Variants in MAN1A2 observed in about 807,000 individuals in gnomAD.
The protein encoded by MAN1A2 is mannosyl-oligosaccharide 1,2-alpha-mannosidase IB.
MAN1A2 carries 26 observed loss-of-function variants against 75.7 expected under a neutral mutation model. That is an observed-to-expected ratio of 0.34 (90% CI 0.25 to 0.48). MAN1A2 has a LOEUF of 0.48. MAN1A2 is among the 20% of genes least tolerant of loss of function. The pLI is 0.99. For synonymous variants in MAN1A2, 247 were observed against 264.6 expected, an observed-to-expected ratio of 0.93 and a Z score of 0.65; for missense variants, 562 against 775.5, an observed-to-expected ratio of 0.72 and a Z score of 3.27.
chr1:117,491,095 A>T, intron 8 of MAN1A2, among the ~76,000 whole-genome samples: 1 of 152,138 alleles, frequency 6.6e-6, no homozygotes, highest in Middle Eastern at 3.4e-3. Flanking sequence ...GCAGCAAGTG[A>T]TCCAGAAGAT....
intron 8 of MAN1A2, among the ~76,000 whole-genome samples, chr1:117,480,328 C>G (rs962516225): frequency 4.6e-5 from 7 of 151,864 alleles, no homozygotes; most frequent in African/African-American, 1.7e-4. Context: ...CTCTCTGTGC[C>G]TTTGCCTGAA....
rs143467940 is a variant in MAN1A2 at position 117,503,447 on chromosome 1, C to T, written c.1793+477C>T. On this transcript the variant is annotated intron_variant, in intron 12 of 12. Transcript: ENST00000356554. ...AAATGACCATAGCCACTCATCCACCCGATGAGCCTTACTGTAAAGATACAC... is the reference window on the plus strand; with the variant it reads ...AAATGACCATAGCCACTCATCCACCTGATGAGCCTTACTGTAAAGATACAC... Among the ~76,000 whole-genome samples the T allele has an allele frequency of 4.1e-3, 622 of 151,474 alleles. 1 individual carries two copies. The highest frequency in any genetic ancestry group is 7.7e-3 in the Non-Finnish European group (522 of 67,604).
At chr1:117,492,586 G>C (rs1259474680) in intron 8 of MAN1A2, among the ~76,000 whole-genome samples, 2 of 151,984 alleles carry the variant, frequency 1.3e-5, no homozygotes, top group Admixed American at 1.3e-4. Context: ...AAATTTGTAT[G>C]AATAGTAATC....
At chr1:117,496,090 C>T (rs1414246821) in intron 9 of MAN1A2, among the ~76,000 whole-genome samples, 1 of 149,568 alleles carries the variant, frequency 6.7e-6, no homozygotes, top group Non-Finnish European at 1.5e-5. Context: ...CTGATTGTTA[C>T]TAAACTTGTC....
At chr1:117,476,422 A>C (rs1269971481) in intron 8 of MAN1A2, among the ~76,000 whole-genome samples, 3 of 151,900 alleles carry the variant, frequency 2.0e-5, no homozygotes, top group Non-Finnish European at 4.4e-5. Flanking sequence ...TTAGTCATGA[A>C]GTCTTTGTCC....
intron 8 of MAN1A2, among the ~76,000 whole-genome samples, chr1:117,486,279 A>G (rs915858448): frequency 4.6e-5 from 7 of 151,994 alleles, no homozygotes; most frequent in Admixed American, 4.6e-4. Flanking sequence ...AGTTACCCCA[A>G]AAGTTAAGAT....
chr1:117,455,042 CTT>C lies in MAN1A2; in HGVS notation c.951-5446_951-5445del, dbSNP rs371859000. ...GACAATGAAAAGGCAAGATAGTAAA[CTT>C]AGGTTGGTAGGATGTAAAATGGTAG... On this transcript the variant is annotated intron_variant, in intron 6 of 12. Coordinates refer to ENST00000356554, the MANE Select transcript of MAN1A2 (RefSeq NM_006699.5). Among the ~76,000 whole-genome samples the C allele has an allele frequency of 1.4e-4, 22 of 152,146 alleles. No individual in the cohort carries two copies. The South Asian group carries it at 2.7e-3, about 19-fold the overall frequency.
At chr1:117,374,632 C>T (rs1207623432) in intron 1 of MAN1A2, among the ~76,000 whole-genome samples, 1 of 152,140 alleles carries the variant, frequency 6.6e-6, no homozygotes, top group Non-Finnish European at 1.5e-5. Context: ...TGTTAAGAGA[C>T]AGGGGCTTTA....
intron 11 of MAN1A2, among the ~76,000 whole-genome samples, chr1:117,501,037 A>G (rs533842271): frequency 1.6e-4 from 24 of 151,936 alleles, no homozygotes; most frequent in African/African-American, 4.1e-4. Flanking sequence ...TGGCAGAAGC[A>G]CTTTTTGTCA....
At chr1:117,377,087 C>T (rs1365541464) in intron 1 of MAN1A2, among the ~76,000 whole-genome samples, 1 of 152,134 alleles carries the variant, frequency 6.6e-6, no homozygotes, top group Non-Finnish European at 1.5e-5. Flanking sequence ...AACATATTTA[C>T]ATATGGCTAT....
At chr1:117,399,789 G>T (rs539895123) in intron 1 of MAN1A2, among the ~76,000 whole-genome samples, 1 of 152,260 alleles carries the variant, frequency 6.6e-6, no homozygotes, top group African/African-American at 2.4e-5. Flanking sequence ...GACTTAGCAG[G>T]TAAATGTCCT....
At chr1:117,396,935 GTT>G (rs749623787) in intron 1 of MAN1A2, among the ~76,000 whole-genome samples, 4 of 142,490 alleles carry the variant, frequency 2.8e-5, no homozygotes, top group Non-Finnish European at 3.1e-5. Context: ...AATCATAGAG[GTT>G]TTTTTTTTTT....
intron 6 of MAN1A2, 82 bp from the exon 7 acceptor site, chr1:117,460,407 T>C: frequency 2.2e-6 from 2 of 903,026 alleles, no homozygotes; most frequent in Non-Finnish European, 3.4e-6. Context: ...AAGAGATCTA[T>C]TTAAAATTTA....
intron 3 of MAN1A2, among the ~76,000 whole-genome samples, chr1:117,407,211 C>T (rs945468169): frequency 6.6e-6 from 1 of 151,980 alleles, no homozygotes; most frequent in Admixed American, 6.6e-5. Flanking sequence ...GCCAGATAAG[C>T]TAAGTAGGAA....
chr1:117,429,904 G>A (rs1312371001), intron 5 of MAN1A2, among the ~76,000 whole-genome samples: 2 of 69,906 alleles, frequency 2.9e-5, no homozygotes, highest in African/African-American at 5.6e-5. Flanking sequence ...CCGGGCAGAG[G>A]GGCTCCTCAC....
chr1:117,503,681 A>C (rs1651268287), intron 12 of MAN1A2, among the ~76,000 whole-genome samples: 1 of 151,472 alleles, frequency 6.6e-6, no homozygotes, highest in Non-Finnish European at 1.5e-5. Flanking sequence ...AAGCCTTGTA[A>C]ACATTTTATT....
At chr1:117,393,606 C>T (rs916074952) in intron 1 of MAN1A2, among the ~76,000 whole-genome samples, 10 of 151,922 alleles carry the variant, frequency 6.6e-5, no homozygotes, top group South Asian at 6.2e-4. Context: ...TTAGTATTGG[C>T]CATTGTTACT....
chr1:117,466,212 C>G, intron 7 of MAN1A2, 122 bp from the exon 8 acceptor site: 1 of 598,578 alleles, frequency 1.7e-6, no homozygotes, highest in East Asian at 3.1e-5. Flanking sequence ...CCCTCCAACA[C>G]ACACACAAAG....
At chr1:117,470,724 A>G (rs1233121319) in intron 8 of MAN1A2, among the ~76,000 whole-genome samples, 1 of 151,904 alleles carries the variant, frequency 6.6e-6, no homozygotes, top group African/African-American at 2.4e-5. Flanking sequence ...GTTCCTTTTA[A>G]TGTTTTTGTA....
Sources: gnomAD v4.1 joint callset for allele counts (sites outside exome capture counted in the v4.1 genomes callset) on GRCh38, gnomAD v4.1.1 for gene constraint, MANE v1.5 for transcripts, NCBI Gene and HGNC (gene_info 2026-07-23, HGNC 2026-07-21) for gene names.